NKAIN3: variants seen among roughly 807,000 people sequenced by gnomAD.
NKAIN3 encodes the protein sodium/potassium-transporting ATPase subunit beta-1-interacting protein 3.
Under a neutral mutation model 30.2 loss-of-function variants are expected in NKAIN3, and 25 were observed. That is an observed-to-expected ratio of 0.83 (90% CI 0.60 to 1.16). The LOEUF (loss-of-function observed/expected upper bound fraction) is 1.16. Ranked by LOEUF, NKAIN3 falls within the 50% of genes most tolerant of loss-of-function variation. The pLI is 0.00. For synonymous variants in NKAIN3, 91 were observed against 89.6 expected (o/e 1.02, Z -0.09); for missense variants, 225 against 254.1 (o/e 0.89, Z 0.78).
rs552637951 is a variant in NKAIN3 at position 62,974,545 on chromosome 8, T to C, written c.*9138T>C. ...CAACTTTGCTGAAATTGCTTATCTC[T>C]TTAAGGAGTTTTGGGGTTGAGACAA... On this transcript the variant is annotated 3_prime_UTR_variant, in exon 7 of 7. Transcript: ENST00000623646. Among the ~76,000 whole-genome samples the C allele has an allele frequency of 6.6e-6, 1 of 152,272 alleles. No homozygotes were observed. The highest frequency in any genetic ancestry group is 2.1e-4 in the South Asian group (1 of 4,824).
downstream of NKAIN3, among the ~76,000 whole-genome samples, chr8:62,985,402 A>G (rs575530902): frequency 9.9e-5 from 15 of 152,114 alleles, no homozygotes; most frequent in African/African-American, 3.4e-4. Context: ...TTCTGAATCC[A>G]CCTTCACAGG....
intron 1 of NKAIN3, among the ~76,000 whole-genome samples, chr8:62,266,237 A>G (rs896037797): frequency 2.0e-5 from 3 of 152,210 alleles, no homozygotes; most frequent in African/African-American, 7.2e-5. Context: ...TATGTTTTAT[A>G]AAACACTGGA....
At chr8:62,428,141 GT>G (rs1804873549) in intron 1 of NKAIN3, among the ~76,000 whole-genome samples, 1 of 151,850 alleles carries the variant, frequency 6.6e-6, no homozygotes, top group African/African-American at 2.4e-5. Flanking sequence ...ACGTCCTACA[GT>G]TTCATCCATG....
chr8:62,293,770 A>G (rs1252877053), intron 1 of NKAIN3, among the ~76,000 whole-genome samples: 2 of 152,198 alleles, frequency 1.3e-5, no homozygotes, highest in African/African-American at 4.8e-5. Flanking sequence ...AAGCTGTCAG[A>G]CAGGGAAGTT....
At chr8:62,379,153 A>G (rs1817188811) in intron 1 of NKAIN3, among the ~76,000 whole-genome samples, 1 of 152,226 alleles carries the variant, frequency 6.6e-6, no homozygotes. Flanking sequence ...TTGGACTTAC[A>G]TGGGGCCTGT....
At chr8:62,415,988 C>T (rs532166282) in intron 1 of NKAIN3, among the ~76,000 whole-genome samples, 8 of 152,092 alleles carry the variant, frequency 5.3e-5, no homozygotes, top group Middle Eastern at 3.4e-3. Context: ...GATCTCCTGA[C>T]CTCGTGATCC....
intron 1 of NKAIN3, among the ~76,000 whole-genome samples, chr8:62,426,254 G>A (rs1176639900): frequency 6.6e-6 from 1 of 151,908 alleles, no homozygotes; most frequent in Non-Finnish European, 1.5e-5. Flanking sequence ...AAGGATAAGA[G>A]GAATGCATGA....
intron 1 of NKAIN3, among the ~76,000 whole-genome samples, chr8:62,511,290 C>T (rs1807806301): frequency 1.3e-5 from 2 of 152,134 alleles, no homozygotes; most frequent in African/African-American, 4.8e-5. Context: ...CCTCCCTCAC[C>T]TCTTCAGTGC....
intron 1 of NKAIN3, among the ~76,000 whole-genome samples, chr8:62,275,542 A>T (rs1336317378): frequency 6.6e-6 from 1 of 152,136 alleles, no homozygotes; most frequent in Non-Finnish European, 1.5e-5. Flanking sequence ...CTTTTTTGTA[A>T]TCATAAAAAT....
At chr8:62,274,090 T>C (rs1452211122) in intron 1 of NKAIN3, among the ~76,000 whole-genome samples, 1 of 152,200 alleles carries the variant, frequency 6.6e-6, no homozygotes, top group Non-Finnish European at 1.5e-5. Context: ...GTGGGTTTAT[T>C]TGATGCCTAT....
chr8:62,800,986 T>C (rs1818041258), intron 4 of NKAIN3, among the ~76,000 whole-genome samples: 1 of 152,048 alleles, frequency 6.6e-6, no homozygotes, highest in African/African-American at 2.4e-5. Flanking sequence ...GCTCGGAGGG[T>C]CCTACACCCA....
At chr8:62,997,761 A>G in intron 5 of NKAIN3, among the ~76,000 whole-genome samples, 1 of 152,174 alleles carries the variant, frequency 6.6e-6, no homozygotes, top group Middle Eastern at 3.4e-3. Flanking sequence ...TCTTTAAAAA[A>G]AAAAAAAAAA....
In NKAIN3 at chr8:62,976,595, G is replaced by A. The variant is rs1259040800; in HGVS notation, c.*11188G>A. Among the ~76,000 whole-genome samples, 1 of 151,976 alleles carries A rather than the reference G, an allele frequency of 6.6e-6. No homozygotes were observed. The highest frequency in any genetic ancestry group is 1.5e-5 in the Non-Finnish European group (1 of 67,974). On this transcript the variant is annotated 3_prime_UTR_variant, in exon 7 of 7. Coordinates refer to ENST00000623646, the MANE Select transcript of NKAIN3 (RefSeq NM_001304533.3). ...ATGTGTGTCTTTGCACATGAGATGG[G>A]TCTCGAATACAACACACCAATGGGT...
intron 4 of NKAIN3, among the ~76,000 whole-genome samples, chr8:62,757,467 A>C (rs1179522285): frequency 6.6e-6 from 1 of 152,184 alleles, no homozygotes; most frequent in East Asian, 1.9e-4. Flanking sequence ...TCAGAGACGC[A>C]AGGATGGAGA....
intron 1 of NKAIN3, among the ~76,000 whole-genome samples, chr8:62,418,104 G>C (rs1804510180): frequency 6.6e-6 from 1 of 152,152 alleles, no homozygotes; most frequent in African/African-American, 2.4e-5. Context: ...TATCAGTCCA[G>C]CTGCCAGCAA....
At chr8:62,346,718 T>G (rs1179997421) in intron 1 of NKAIN3, among the ~76,000 whole-genome samples, 1 of 151,994 alleles carries the variant, frequency 6.6e-6, no homozygotes, top group East Asian at 1.9e-4. Context: ...TTGACCTGAG[T>G]CCAGTTATTC....
rs188654075 is a variant in NKAIN3 at position 62,883,684 on chromosome 8, G to A, written c.472-34769G>A. ...GCTGTCATCAAATATGATGTTAGCT[G>A]TAGGTTTTTTGTAGATGTTTTTTGC... On this transcript the variant is annotated intron_variant, in intron 4 of 6. Transcript: ENST00000623646. 2.6e-3 allele frequency among the ~76,000 whole-genome samples: 391 copies of A among 151,968 alleles called. 2 individuals are homozygous for A. The highest frequency in any genetic ancestry group is 9.1e-3 in the African/African-American group (379 of 41,480).
At chr8:62,547,002 A>G (rs1441649024) in intron 1 of NKAIN3, among the ~76,000 whole-genome samples, 1 of 152,184 alleles carries the variant, frequency 6.6e-6, no homozygotes, top group African/African-American at 2.4e-5. Context: ...AGCTGAGCCT[A>G]CACAGGAGAC....
At chr8:62,688,234 C>A (rs941904473) in intron 3 of NKAIN3, among the ~76,000 whole-genome samples, 8 of 152,142 alleles carry the variant, frequency 5.3e-5, no homozygotes, top group African/African-American at 1.7e-4. Context: ...TTATGGGTAA[C>A]AGAAGCTGAC....
Sources: gnomAD v4.1 joint callset for allele counts (sites outside exome capture counted in the v4.1 genomes callset) on GRCh38, gnomAD v4.1.1 for gene constraint, MANE v1.5 for transcripts, NCBI Gene and HGNC (gene_info 2026-07-23, HGNC 2026-07-21) for gene names.